Variants in GRM5 observed in about 807,000 individuals in gnomAD.
GRM5 encodes the protein glutamate metabotropic receptor 5.
GRM5 carries 19 observed loss-of-function variants against 83.1 expected under a neutral mutation model. The observed-to-expected ratio is 0.23, with a 90% CI of 0.16 to 0.34. GRM5 has a LOEUF of 0.34. Ranked by LOEUF, GRM5 falls within the 10% of genes least tolerant of loss-of-function variation. The pLI is 1.00. For missense variants in GRM5, 1,160 were observed against 1,588.3 expected (o/e 0.73, Z 4.58); for synonymous variants, 675 against 633.6 (o/e 1.07, Z -0.98).
At chr11:88,859,295 G>C (rs1055494724) in intron 2 of GRM5, among the ~76,000 whole-genome samples, 1 of 152,028 alleles carries the variant, frequency 6.6e-6, no homozygotes, top group Admixed American at 6.6e-5. Context: ...GGAAACTCAA[G>C]AAGTTTTCTT....
At chr11:89,055,929 C>G (rs1229204234) in intron 1 of GRM5, among the ~76,000 whole-genome samples, 1 of 139,786 alleles carries the variant, frequency 7.2e-6, no homozygotes, top group Non-Finnish European at 1.7e-5. Flanking sequence ...AGAACTGAGG[C>G]TCAGAGAGAT....
intron 3 of GRM5, among the ~76,000 whole-genome samples, chr11:88,701,150 ACTGTAGGCTT>A (rs1941025402): frequency 6.6e-6 from 1 of 152,162 alleles, no homozygotes; most frequent in African/African-American, 2.4e-5. Context: ...CCACTCAGCC[ACTGTAGGCTT>A]CTTGAATGAA....
intron 3 of GRM5, among the ~76,000 whole-genome samples, chr11:88,772,351 G>A (rs1942755693): frequency 6.6e-6 from 1 of 151,552 alleles, no homozygotes. Flanking sequence ...TTGCAGACTT[G>A]CTTTATTTCT....
At chr11:88,950,169 C>T (rs1310495313) in intron 2 of GRM5, among the ~76,000 whole-genome samples, 12 of 151,974 alleles carry the variant, frequency 7.9e-5, no homozygotes, top group South Asian at 2.1e-4. Context: ...CCACCACGCC[C>T]GGCCGAATTT....
intron 3 of GRM5, among the ~76,000 whole-genome samples, chr11:88,812,434 GAC>G (rs1406685077): frequency 2.4e-4 from 37 of 152,116 alleles, no homozygotes; most frequent in Admixed American, 7.2e-4. Context: ...AAGCAATTAA[GAC>G]CTGGAAATGT....
chr11:88,993,204 T>C (rs1386521319), intron 2 of GRM5, among the ~76,000 whole-genome samples: 1 of 142,326 alleles, frequency 7.0e-6, no homozygotes, highest in Non-Finnish European at 1.5e-5. Flanking sequence ...AGGCAGAGCT[T>C]GCAGTGAGCC....
chr11:88,703,792 A>T (rs1371593230), intron 3 of GRM5, among the ~76,000 whole-genome samples: 3 of 152,074 alleles, frequency 2.0e-5, no homozygotes, highest in Non-Finnish European at 4.4e-5. Context: ...CAGTACGACA[A>T]TACAAGGTCT....
At chr11:88,976,241 A>C (rs1939330267) in intron 2 of GRM5, among the ~76,000 whole-genome samples, 2 of 152,210 alleles carry the variant, frequency 1.3e-5, no homozygotes, top group Admixed American at 6.5e-5. Context: ...AAATATAATG[A>C]ATATTTAAAA....
intron 7 of GRM5, among the ~76,000 whole-genome samples, chr11:88,587,317 A>G (rs1943336177): frequency 1.3e-5 from 2 of 152,190 alleles, no homozygotes; most frequent in East Asian, 3.9e-4. Context: ...GGGTAAGCAC[A>G]TTCCAGGTGG....
intron 2 of GRM5, among the ~76,000 whole-genome samples, chr11:88,869,120 G>A (rs1406631796): frequency 6.6e-6 from 1 of 151,686 alleles, no homozygotes; most frequent in African/African-American, 2.4e-5. Context: ...GATGGAAGCA[G>A]CCAATGTGGC....
chr11:88,744,088 T>C (rs1411210488), intron 3 of GRM5, among the ~76,000 whole-genome samples: 1 of 152,194 alleles, frequency 6.6e-6, no homozygotes, highest in Non-Finnish European at 1.5e-5. Flanking sequence ...TAAGGGCAGA[T>C]TAATCATATA....
chr11:88,968,631 G>C (rs1198053670), intron 2 of GRM5, among the ~76,000 whole-genome samples: 4 of 152,080 alleles, frequency 2.6e-5, no homozygotes, highest in Admixed American at 6.6e-5. Flanking sequence ...AACCATAAAT[G>C]TACCACTGTA....
chr11:88,985,144 T>C (rs981078982), intron 2 of GRM5, among the ~76,000 whole-genome samples: 2 of 152,098 alleles, frequency 1.3e-5, no homozygotes, highest in African/African-American at 4.8e-5. Context: ...CTCACCATGT[T>C]TTTTAAGATT....
chr11:88,638,203 C>T (rs895990781), intron 4 of GRM5, among the ~76,000 whole-genome samples: 27 of 149,852 alleles, frequency 1.8e-4, no homozygotes, highest in African/African-American at 6.6e-4. Context: ...ATACCTAATG[C>T]TAGATGACGA....
intron 3 of GRM5, among the ~76,000 whole-genome samples, chr11:88,703,275 T>G (rs1236996582): frequency 6.6e-6 from 1 of 152,116 alleles, no homozygotes; most frequent in African/African-American, 2.4e-5. Flanking sequence ...GAAAGAATAA[T>G]TCTCTTTTCA....
At chr11:88,556,775 C>T (rs1942638740) in intron 8 of GRM5, among the ~76,000 whole-genome samples, 1 of 152,044 alleles carries the variant, frequency 6.6e-6, no homozygotes, top group Non-Finnish European at 1.5e-5. Context: ...GATTAGAATG[C>T]ATGTCTTCGC....
chr11:88,582,382 A>C (rs1555072976), intron 7 of GRM5, among the ~76,000 whole-genome samples: 1 of 152,200 alleles, frequency 6.6e-6, no homozygotes, highest in Non-Finnish European at 1.5e-5. Flanking sequence ...AAGGTTAGGT[A>C]CCTTCCATTT....
At chr11:89,030,301 C>G (rs1282946280) in intron 2 of GRM5, among the ~76,000 whole-genome samples, 2 of 151,950 alleles carry the variant, frequency 1.3e-5, no homozygotes, top group Non-Finnish European at 1.5e-5. Context: ...TTTTCTTATA[C>G]AATATATTGT....
At chr11:88,873,019 A>C (rs1178027821) in intron 2 of GRM5, among the ~76,000 whole-genome samples, 2 of 151,578 alleles carry the variant, frequency 1.3e-5, no homozygotes. Context: ...AAGGAATGAA[A>C]AAGATATTCC....
Sources: allele counts gnomAD v4.1 joint callset (sites outside exome capture counted in the v4.1 genomes callset), GRCh38; gene constraint gnomAD v4.1.1; transcripts MANE v1.5; gene names NCBI Gene and HGNC (gene_info 2026-07-23, HGNC 2026-07-21).